The following RYR3 variants were observed in gnomAD, a reference collection of about 807,000 sequenced individuals.
RYR3 encodes brain ryanodine receptor-calcium release channel.
RYR3 carries 207 observed loss-of-function variants against 584.3 expected under a neutral mutation model. The observed-to-expected ratio is 0.35, with a 90% CI of 0.32 to 0.40. RYR3 has a LOEUF of 0.40. Among genes scored for constraint, RYR3 ranks in the 10% least tolerant of loss-of-function variants. The pLI, the probability that RYR3 is intolerant of heterozygous loss-of-function variation, is 1.00. For missense variants in RYR3, 5,616 were observed against 6,089.2 expected, an observed-to-expected ratio of 0.92 and a Z score of 2.59; for synonymous variants, 2,416 against 2,248.5, an observed-to-expected ratio of 1.07 and a Z score of -2.11.
At chr15:33,385,710 C>CTTTCTT (rs2041550147) in intron 1 of RYR3, among the ~76,000 whole-genome samples, 1 of 131,402 alleles carries the variant, frequency 7.6e-6, no homozygotes, top group Non-Finnish European at 1.5e-5. Context: ...TTTTTCTTTT[C>CTTTCTT]TTTTTTTTTT....
chr15:33,847,389 A>C (rs1407384397), intron 93 of RYR3, among the ~76,000 whole-genome samples: 1 of 152,232 alleles, frequency 6.6e-6, no homozygotes, highest in African/African-American at 2.4e-5. Flanking sequence ...AAAGGTCTCA[A>C]GGATGTTGCC....
intron 1 of RYR3, among the ~76,000 whole-genome samples, chr15:33,463,119 G>A (rs1462756852): frequency 7.9e-5 from 12 of 151,720 alleles, no homozygotes; most frequent in African/African-American, 2.9e-4. Flanking sequence ...AACTGTCATC[G>A]CACCACTGCA....
rs1277174740 is a variant in RYR3, at chr15:33,649,188, C to T, written c.4095C>T (p.Cys1365=). ...AAAAGTTTGACCTGAATAAAAACTGCACAGTGACTGTCACCCTAGGGGATG... is the reference window on the plus strand; with the variant it reads ...AAAAGTTTGACCTGAATAAAAACTGTACAGTGACTGTCACCCTAGGGGATG... ...YSEKFDLNKN[C]TVTVTLGDER... The change falls in exon 31 of 104, where the codon TGC becomes TGT. Residue 1365 remains cysteine, a synonymous_variant. Coordinates refer to ENST00000634891, the MANE Select transcript of RYR3 (RefSeq NM_001036.6). The T allele has an allele frequency of 1.2e-6, 2 of 1,613,760 alleles. No homozygotes were observed. Among genetic ancestry groups the T allele is most frequent in the Admixed American group, 1.7e-5 (1 of 60,020 alleles).
chr15:33,629,874 C>A, intron 21 of RYR3, 66 bp from the exon 22 acceptor site: 1 of 826,040 alleles, frequency 1.2e-6, no homozygotes, highest in East Asian at 2.6e-5. Context: ...ATGTTCTGTT[C>A]TGTTTTCCCA....
chr15:33,780,176 G>A, intron 64 of RYR3, 35 bp from the exon 65 acceptor site: 1 of 1,606,876 alleles, frequency 6.2e-7, no homozygotes, highest in Admixed American at 1.7e-5. Flanking sequence ...AGCATGTGGG[G>A]GGCCACACTT....
intron 14 of RYR3, among the ~76,000 whole-genome samples, chr15:33,582,933 A>G (rs1029651638): frequency 6.6e-6 from 1 of 152,200 alleles, no homozygotes; most frequent in Non-Finnish European, 1.5e-5. Flanking sequence ...GGGCGAATCA[A>G]TTTACATGGA....
intron 45 of RYR3, among the ~76,000 whole-genome samples, chr15:33,725,974 C>CCCG (rs1555427644): frequency 0.39 from 14,645 of 37,246 alleles, 3,771 homozygotes; most frequent in East Asian, 0.72. Flanking sequence ...CATCCCCCCC[C>CCCG]CCAAAAAAAA....
chr15:33,326,096 G>GC (rs1384408231), intron 1 of RYR3, among the ~76,000 whole-genome samples: 3 of 152,066 alleles, frequency 2.0e-5, no homozygotes, highest in Non-Finnish European at 4.4e-5. Flanking sequence ...GAGCAACCAT[G>GC]CCCGGCCTAT....
intron 3 of RYR3, among the ~76,000 whole-genome samples, chr15:33,515,993 A>G (rs192175480): frequency 2.6e-5 from 4 of 152,258 alleles, no homozygotes; most frequent in Non-Finnish European, 4.4e-5. Context: ...TAGGGTGTCT[A>G]TTTTGGACTT....
chr15:33,819,799 A>T lies in RYR3; in HGVS notation c.10750A>T (p.Met3584Leu). The change falls in exon 77 of 104, where the codon ATG becomes TTG. Residue 3584 changes from methionine to leucine, a missense_variant. Physicochemically the swap from Met to Leu is conservative, Grantham distance 15. This residue lies in a region of RYR3 where 954 missense variants were observed against 1,132.2 expected (regional missense o/e 0.84). Transcript: ENST00000634891. The part of the protein sequence containing the change: ...DPLYTSYSSM[M>L]AKSCQSGEDE... Reference sequence around the variant, plus strand: ...TTTGTACACCTCCTATTCCAGCATGATGGCCAAGGTACACCCAGGTTTTCT... The same window carrying T: ...TTTGTACACCTCCTATTCCAGCATGTTGGCCAAGGTACACCCAGGTTTTCT... 6.3e-7 allele frequency: 1 copy of T among 1,588,626 alleles called. No homozygotes were observed. The highest frequency in any genetic ancestry group is 1.7e-5 in the Admixed American group (1 of 59,534).
In RYR3 at chr15:33,317,125, G is replaced by A. The variant is rs142329263; in HGVS notation, c.51+6029G>A. Among the ~76,000 whole-genome samples the A allele has an allele frequency of 3.6e-3, 546 of 152,220 alleles. 1 individual carries two copies. The highest frequency in any genetic ancestry group is 0.012 in the African/African-American group (517 of 41,542). On this transcript the variant is annotated intron_variant, in intron 1 of 103. Transcript: ENST00000634891. Reference sequence around the variant, plus strand: ...CAAAGCTACCGTTTCCCATAGGACCGCCTTTTCTTATTGAATCCCGTAGCT... The same window carrying A: ...CAAAGCTACCGTTTCCCATAGGACCACCTTTTCTTATTGAATCCCGTAGCT...
intron 69 of RYR3, among the ~76,000 whole-genome samples, chr15:33,804,315 T>C (rs2076069960): frequency 6.6e-6 from 1 of 152,224 alleles, no homozygotes. Context: ...ATAGTTGCCA[T>C]GGTCCTCAGG....
intron 2 of RYR3, among the ~76,000 whole-genome samples, chr15:33,475,585 A>T (rs780727191): frequency 1.6e-4 from 25 of 152,198 alleles, no homozygotes; most frequent in Non-Finnish European, 8.8e-5. Flanking sequence ...CCTGGTTCCC[A>T]ACAGGCCATG....
At chr15:33,821,950 A>G (rs1276130340) in intron 80 of RYR3, among the ~76,000 whole-genome samples, 1 of 152,194 alleles carries the variant, frequency 6.6e-6, no homozygotes, top group Non-Finnish European at 1.5e-5. Flanking sequence ...TGCCTTTAGT[A>G]TGAGCAAGGA....
At chr15:33,722,610 A>C in intron 43 of RYR3, 105 bp from the exon 44 acceptor site, 1 of 1,100,894 alleles carries the variant, frequency 9.1e-7, no homozygotes, top group Non-Finnish European at 1.4e-6. Flanking sequence ...AAAACAGAGT[A>C]GGTGATAAGC....
Position 33,757,821 on chromosome 15 carries a change from A to G in RYR3, c.8705+225A>G, listed in dbSNP as rs527688210. On this transcript the variant is annotated intron_variant, in intron 60 of 103. Coordinates refer to ENST00000634891, the MANE Select transcript of RYR3 (RefSeq NM_001036.6). ...TACCCGTGGGGCTTGGGAAAGATGT[A>G]TATAATTAAATCAACATCGGGACAG... is the stretch of plus-strand genomic sequence containing the variant. 5.4e-6 allele frequency: 3 copies of G among 559,124 alleles called. No homozygotes were observed. The South Asian group carries it at 6.7e-5, about 12-fold the overall frequency. 34.6% of individuals were successfully genotyped at this position (559,124 alleles called of 1,614,324 possible). A position where few individuals can be genotyped will look rare whatever the true frequency, so the allele number is the denominator to read the frequency against.
chr15:33,854,028 C>G (rs1320572591), intron 96 of RYR3, among the ~76,000 whole-genome samples: 1 of 151,994 alleles, frequency 6.6e-6, no homozygotes, highest in African/African-American at 2.4e-5. Context: ...CCCGTCTCTA[C>G]TAATAATATT....
At chr15:33,502,863 C>G (rs1354810251) in intron 2 of RYR3, among the ~76,000 whole-genome samples, 1 of 152,106 alleles carries the variant, frequency 6.6e-6, no homozygotes, top group Non-Finnish European at 1.5e-5. Context: ...TTAATAGTCC[C>G]TCTCTTATAG....
chr15:33,537,783 C>T (rs557050459), intron 5 of RYR3, among the ~76,000 whole-genome samples: 3 of 152,270 alleles, frequency 2.0e-5, no homozygotes, highest in Non-Finnish European at 4.4e-5. Context: ...GTGTTAGGGA[C>T]TCTGTAGGTT....
Sources: allele counts gnomAD v4.1 joint callset (sites outside exome capture counted in the v4.1 genomes callset), GRCh38; gene constraint gnomAD v4.1.1; regional missense constraint gnomAD v4.1.1; transcripts MANE v1.5; gene names NCBI Gene and HGNC (gene_info 2026-07-23, HGNC 2026-07-21).